The following SP100 variants were observed in gnomAD, a reference collection of about 807,000 sequenced individuals.
SP100 encodes the protein nuclear autoantigen Sp-100.
In SP100, 84 loss-of-function variants were observed where a neutral mutation model predicts 130.0. The observed-to-expected ratio is 0.65, with a 90% CI of 0.54 to 0.77. SP100 has a LOEUF of 0.77. SP100 is among the 30% of genes least tolerant of loss of function. The probability of loss-of-function intolerance (pLI) is 0.00; values close to 1 mark genes in which losing one functional copy is unlikely to be tolerated. For synonymous variants in SP100, 331 were observed against 351.7 expected (o/e 0.94, Z 0.66); for missense variants, 978 against 1,052.2 (o/e 0.93, Z 0.97).
rs764465163 is a variant in SP100 at position 230,541,328 on chromosome 2, T to C, written c.2359T>C (p.Tyr787His). 2.7e-5 allele frequency: 43 copies of C among 1,614,160 alleles called. 2 individuals are homozygous for C. The South Asian group carries it at 4.5e-4, about 17-fold the overall frequency. The change falls in exon 27 of 29, where the codon TAC becomes CAC. Residue 787 changes from tyrosine (Y) to histidine (H), a missense_variant. Physicochemically the swap from Tyr to His is moderately conservative, Grantham distance 83. Transcript: ENST00000340126. ...ATGTGAATTCCTCCTCTTGAAGGTC[T>C]ACTGTGATTCGAAAAGCTGCTTTTT... The part of the protein sequence containing the change: ...LKCEFLLLKV[Y>H]CDSKSCFFAS...
At chr2:230,438,884 G>C (rs2063382599) in intron 2 of SP100, among the ~76,000 whole-genome samples, 1 of 152,118 alleles carries the variant, frequency 6.6e-6, no homozygotes, top group Non-Finnish European at 1.5e-5. Flanking sequence ...AGACCCAGTA[G>C]TGGGATTGCT....
At chr2:230,419,535 G>A (rs747076387) in intron 2 of SP100, among the ~76,000 whole-genome samples, 1 of 152,198 alleles carries the variant, frequency 6.6e-6, no homozygotes, top group Non-Finnish European at 1.5e-5. Flanking sequence ...AAGAGAAGCC[G>A]TCAAGGGCTT....
intron 17 of SP100, among the ~76,000 whole-genome samples, chr2:230,483,048 C>A (rs2065906517): frequency 6.6e-6 from 1 of 152,154 alleles, no homozygotes; most frequent in Admixed American, 6.5e-5. Context: ...CCTTTTTAGA[C>A]CCTTTATTCA....
intron 24 of SP100, among the ~76,000 whole-genome samples, chr2:230,514,585 A>T (rs1330642943): frequency 6.6e-6 from 1 of 152,186 alleles, no homozygotes; most frequent in East Asian, 1.9e-4. Flanking sequence ...TTTTCTGCCA[A>T]AGAAAAATCA....
chr2:230,514,662 G>C (rs1221298468), intron 24 of SP100, among the ~76,000 whole-genome samples: 2 of 152,108 alleles, frequency 1.3e-5, no homozygotes, highest in African/African-American at 4.8e-5. Flanking sequence ...TTATATAAAA[G>C]GCAACAGGAA....
Position 230,511,105 on chromosome 2 carries a change from CT to C in SP100, c.2053-17del. 4.5e-6 allele frequency: 7 copies of C among 1,553,054 alleles called. No individual in the cohort carries two copies. The highest frequency in any genetic ancestry group is 5.3e-6 in the Non-Finnish European group (6 of 1,124,574). On this transcript the variant is annotated intron_variant, in intron 23 of 28. Coordinates refer to ENST00000340126, the MANE Select transcript of SP100 (RefSeq NM_001080391.2). The stretch of plus-strand genomic sequence containing the variant: ...AAATCACACTCAATATTGTACCAAT[CT>C]TTCTGTTTTTTTCAACAGAGAATAC...
At position 230,449,695 on chromosome 2, in the gene SP100, A is replaced by G; in HGVS notation, c.721A>G (p.Lys241Glu). 1.2e-6 allele frequency: 2 copies of G among 1,614,174 alleles called. No homozygotes were observed. The highest frequency in any genetic ancestry group is 1.7e-6 in the Non-Finnish European group (2 of 1,180,014). Reference sequence around the variant, plus strand: ...ACAAACAAATGAACAATGTGCTCAAAAGGCTGAGCCAACAGGTAAGACTGA... The same window carrying G: ...ACAAACAAATGAACAATGTGCTCAAGAGGCTGAGCCAACAGGTAAGACTGA... ...SQQTNEQCAQ[K>E]AEPTESCEQI... Residue 241 changes from lysine (K) to glutamate (E), a missense_variant, in exon 7 of 29, where the codon AAG becomes GAG. Transcript: ENST00000340126.
intron 5 of SP100, among the ~76,000 whole-genome samples, chr2:230,447,234 T>C (rs1013846881): frequency 1.3e-5 from 2 of 152,118 alleles, no homozygotes; most frequent in African/African-American, 4.8e-5. Context: ...TGGCCCGTGG[T>C]CAACATCAAA....
At chr2:230,457,278 A>G (rs779712266) in intron 8 of SP100, among the ~76,000 whole-genome samples, 1 of 152,188 alleles carries the variant, frequency 6.6e-6, no homozygotes, top group Non-Finnish European at 1.5e-5. Flanking sequence ...GCCCAGTGCT[A>G]TTGAAGCCAG....
At chr2:230,486,864 G>A (rs1164194761) in intron 17 of SP100, among the ~76,000 whole-genome samples, 1 of 152,076 alleles carries the variant, frequency 6.6e-6, no homozygotes, top group African/African-American at 2.4e-5. Flanking sequence ...TTTAATAATT[G>A]CCATTCTGAC....
At chr2:230,521,149 T>A (rs1691152451) in intron 24 of SP100, among the ~76,000 whole-genome samples, 1 of 152,192 alleles carries the variant, frequency 6.6e-6, no homozygotes, top group South Asian at 2.1e-4. Context: ...CACCATCCTT[T>A]CTCTGCTTGT....
chr2:230,501,774 A>C (rs1405341375), intron 19 of SP100, among the ~76,000 whole-genome samples: 1 of 152,244 alleles, frequency 6.6e-6, no homozygotes, highest in Non-Finnish European at 1.5e-5. Flanking sequence ...CCCTGACTTC[A>C]GCAAACACGT....
intron 24 of SP100, among the ~76,000 whole-genome samples, chr2:230,529,532 C>T (rs1244000537): frequency 6.6e-6 from 1 of 152,140 alleles, no homozygotes; most frequent in Non-Finnish European, 1.5e-5. Context: ...ACAAGGATGC[C>T]CTCTCTCACG....
intron 8 of SP100, among the ~76,000 whole-genome samples, chr2:230,454,565 T>C (rs1024433253): frequency 6.6e-6 from 1 of 152,220 alleles, no homozygotes; most frequent in Non-Finnish European, 1.5e-5. Context: ...TTTGGGAGTG[T>C]ACTTAATTTC....
intron 4 of SP100, 147 bp from the exon 5 acceptor site, chr2:230,446,672 A>C (rs977933823): frequency 1.2e-5 from 7 of 582,070 alleles, no homozygotes; most frequent in African/African-American, 1.2e-4. Context: ...TCTCTGTCCC[A>C]GGGGATGACG....
intron 5 of SP100, among the ~76,000 whole-genome samples, chr2:230,448,159 T>G (rs1172940122): frequency 6.6e-6 from 1 of 152,110 alleles, no homozygotes. Context: ...AATGTGAGGA[T>G]GTTGTTCAAG....
chr2:230,488,077 GT>G (rs750580927), intron 17 of SP100, among the ~76,000 whole-genome samples: 5 of 152,158 alleles, frequency 3.3e-5, no homozygotes, highest in Non-Finnish European at 5.9e-5. Flanking sequence ...AATTTAAGGA[GT>G]TTTGGGGCTC....
Position 230,436,927 on chromosome 2 carries a change from A to ATATATAT in SP100, c.108-6010_108-6009insTATATAT, listed in dbSNP as rs879558808. Among the ~76,000 whole-genome samples the ATATATAT allele has an allele frequency of 9.7e-3, 769 of 79,550 alleles. 6 individuals carry two copies. The highest frequency in any genetic ancestry group is 0.046 in the African/African-American group (737 of 16,086). The allele number at this position is 79,550 out of a possible 152,430, so 52.2% of individuals were successfully genotyped here. On this transcript the variant is annotated intron_variant, in intron 2 of 28. Coordinates refer to ENST00000340126, the MANE Select transcript of SP100 (RefSeq NM_001080391.2). ...ACACGCATATATGTGTATACACACA[A>ATATATAT]GTGTATACACACACGCATATATGTG...
At chr2:230,424,056 TGGGGA>T (rs1245054149) in intron 2 of SP100, among the ~76,000 whole-genome samples, 2 of 152,074 alleles carry the variant, frequency 1.3e-5, no homozygotes, top group Non-Finnish European at 2.9e-5. Flanking sequence ...CTAGGATGAT[TGGGGA>T]AGGGTGATGT....
Sources: gnomAD v4.1 joint callset for allele counts (sites outside exome capture counted in the v4.1 genomes callset) on GRCh38, gnomAD v4.1.1 for gene constraint, MANE v1.5 for transcripts, NCBI Gene and HGNC (gene_info 2026-07-23, HGNC 2026-07-21) for gene names.